Variants in PCNX2 observed in about 807,000 individuals in gnomAD.
The protein encoded by PCNX2 is pecanex-like protein 2.
Under a neutral mutation model 223.8 loss-of-function variants are expected in PCNX2, and 168 were observed. The ratio of observed to expected loss-of-function variants is 0.75; its 90% CI spans 0.66 to 0.85. The LOEUF is 0.85. Among genes scored for constraint, PCNX2 ranks in the 40% least tolerant of loss-of-function variants. The pLI, the probability that PCNX2 is intolerant of heterozygous loss-of-function variation, is 0.00. For missense variants in PCNX2, 2,507 were observed against 2,675.5 expected (o/e 0.94, Z 1.39); for synonymous variants, 1,006 against 1,052.6 (o/e 0.96, Z 0.86).
At chr1:233,212,031 A>G (rs750239) in intron 12 of PCNX2, among the ~76,000 whole-genome samples, 50,343 of 151,872 alleles carry the variant, frequency 0.33, 8,712 homozygotes, top group East Asian at 0.56. Context: ...GTGTTTTATC[A>G]TTTCTCACAA....
Position 233,295,254 on chromosome 1 carries a change from C to A in PCNX2, c.153+72G>T, listed in dbSNP as rs542421642. 6.5e-7 allele frequency: 1 copy of A among 1,544,574 alleles called. No individual in the cohort carries two copies. On this transcript the variant is annotated intron_variant, in intron 1 of 33. Transcript: ENST00000258229. This position sits in a 1 kb window ranked among gnomAD's most constrained non-coding sequence, Gnocchi z 4.1. ...ACCCGAAAGCCCGTGAGGCTGATGG[C>A]ACGTCTGTGGTTCCTTTCTCCTTCT...
intron 22 of PCNX2, among the ~76,000 whole-genome samples, chr1:233,093,290 G>A (rs749924598): frequency 6.6e-6 from 1 of 152,166 alleles, no homozygotes; most frequent in Non-Finnish European, 1.5e-5. Flanking sequence ...ATCTTTCCCT[G>A]GAGGTTACAA....
intron 23 of PCNX2, among the ~76,000 whole-genome samples, chr1:233,086,306 A>G (rs1490806768): frequency 6.6e-6 from 1 of 152,206 alleles, no homozygotes; most frequent in Non-Finnish European, 1.5e-5. Flanking sequence ...CCAATATGGT[A>G]GCCTCCCATC....
intron 15 of PCNX2, among the ~76,000 whole-genome samples, chr1:233,189,176 G>A (rs1421796685): frequency 6.6e-6 from 1 of 152,212 alleles, no homozygotes; most frequent in Non-Finnish European, 1.5e-5. Context: ...ATGTGAATTA[G>A]TCATGCACCC....
At chr1:233,150,525 T>C (rs1405892189) in intron 19 of PCNX2, among the ~76,000 whole-genome samples, 1 of 152,220 alleles carries the variant, frequency 6.6e-6, no homozygotes, top group Admixed American at 6.5e-5. Flanking sequence ...ATTTGTTTAA[T>C]TAGTGGGTTT....
chr1:233,023,287 A>C (rs972906384), intron 26 of PCNX2, among the ~76,000 whole-genome samples: 1 of 152,202 alleles, frequency 6.6e-6, no homozygotes, highest in Non-Finnish European at 1.5e-5. Context: ...CTGTGAACAC[A>C]CGATTTCATT....
At chr1:233,219,806 A>G (rs1432184676) in intron 10 of PCNX2, among the ~76,000 whole-genome samples, 1 of 152,008 alleles carries the variant, frequency 6.6e-6, no homozygotes, top group East Asian at 1.9e-4. Flanking sequence ...TATCACCCAA[A>G]GTCCATAGTT....
intron 19 of PCNX2, among the ~76,000 whole-genome samples, chr1:233,153,440 CA>C (rs907167402): frequency 6.6e-6 from 1 of 152,076 alleles, no homozygotes; most frequent in Admixed American, 6.6e-5. Context: ...AATACAAAAA[CA>C]AACATTTGAA....
chr1:233,143,110 T>G (rs180737328), intron 19 of PCNX2, among the ~76,000 whole-genome samples: 1 of 152,348 alleles, frequency 6.6e-6, no homozygotes, highest in African/African-American at 2.4e-5. Context: ...CTTCATCTGA[T>G]GTCCCAAAGG....
intron 24 of PCNX2, among the ~76,000 whole-genome samples, chr1:233,055,961 A>G (rs1245858545): frequency 6.6e-6 from 1 of 152,248 alleles, no homozygotes; most frequent in Non-Finnish European, 1.5e-5. Context: ...TCTACAGAAT[A>G]ACACTATCAA....
At chr1:233,064,739 AT>A (rs1346567651) in intron 23 of PCNX2, among the ~76,000 whole-genome samples, 1 of 151,942 alleles carries the variant, frequency 6.6e-6, no homozygotes, top group Non-Finnish European at 1.5e-5. Context: ...TCTAGGAGGA[AT>A]TTTACCATCT....
chr1:233,284,925 A>C (rs942659566), intron 1 of PCNX2: 2 of 974,056 alleles, frequency 2.1e-6, no homozygotes, highest in African/African-American at 3.5e-5. Context: ...GGGGGGGATG[A>C]TAGCAAGTAA....
rs370581543 is a variant in PCNX2 at position 233,255,798 on chromosome 1, A to C, written c.1834+2230T>G. Among the ~76,000 whole-genome samples, 25 of 152,310 alleles carry C rather than the reference A, an allele frequency of 1.6e-4. 1 individual carries two copies. The East Asian group carries it at 2.3e-3, about 14-fold the overall frequency. ...TTAGAGAACATTTCCTAAGCTGCTA[A>C]TATCATTAAACACCCAACATGTTGT... On this transcript the variant is annotated intron_variant, in intron 5 of 33. Coordinates refer to ENST00000258229, the MANE Select transcript of PCNX2 (RefSeq NM_014801.4).
intron 23 of PCNX2, among the ~76,000 whole-genome samples, chr1:233,082,610 T>C (rs1212289351): frequency 6.6e-6 from 1 of 152,136 alleles, no homozygotes; most frequent in Admixed American, 6.5e-5. Flanking sequence ...TTAATTGCAT[T>C]GTACTATTAA....
chr1:233,147,576 T>C (rs568613534), intron 19 of PCNX2, among the ~76,000 whole-genome samples: 5 of 146,750 alleles, frequency 3.4e-5, no homozygotes, highest in Admixed American at 2.6e-4. Context: ...GGTATAACTT[T>C]TACTGAAAAA....
chr1:233,206,806 G>A (rs1681493620), intron 13 of PCNX2, among the ~76,000 whole-genome samples: 1 of 151,846 alleles, frequency 6.6e-6, no homozygotes, highest in Non-Finnish European at 1.5e-5. Flanking sequence ...GATCACTTGA[G>A]GTCAGACCAG....
chr1:233,173,649 T>C (rs1017847381), intron 17 of PCNX2, among the ~76,000 whole-genome samples: 5 of 152,222 alleles, frequency 3.3e-5, no homozygotes, highest in South Asian at 2.1e-4. Flanking sequence ...TTAGAAAGAA[T>C]TGGCATTTTA....
chr1:233,047,936 G>A (rs2102867486), intron 25 of PCNX2, among the ~76,000 whole-genome samples: 1 of 152,134 alleles, frequency 6.6e-6, no homozygotes, highest in South Asian at 2.1e-4. Context: ...GGAACATACT[G>A]CAAGATCAAC....
intron 23 of PCNX2, among the ~76,000 whole-genome samples, chr1:233,089,467 T>C (rs1264489338): frequency 1.3e-5 from 2 of 152,222 alleles, no homozygotes; most frequent in African/African-American, 4.8e-5. Context: ...ATTACTTCTC[T>C]CTTCTCACCT....
Sources: gnomAD v4.1 joint callset for allele counts (sites outside exome capture counted in the v4.1 genomes callset) on GRCh38, gnomAD v4.1.1 for gene constraint, Gnocchi (gnomAD v3.1) non-coding constraint, MANE v1.5 for transcripts, NCBI Gene and HGNC (gene_info 2026-07-23, HGNC 2026-07-21) for gene names.